Variants in MATK observed in about 807,000 individuals in gnomAD.
MATK encodes the protein megakaryocyte-associated tyrosine-protein kinase.
In MATK, 41 loss-of-function variants were observed where a neutral mutation model predicts 59.8. The ratio of observed to expected loss-of-function variants is 0.69; its 90% CI spans 0.53 to 0.89. The LOEUF is 0.89. Among genes scored for constraint, MATK ranks in the 40% least tolerant of loss-of-function variants. The pLI is 0.00. For synonymous variants in MATK, 308 were observed against 306.1 expected (o/e 1.01, Z -0.06); for missense variants, 593 against 719.6 (o/e 0.82, Z 2.01).
intron 1 of MATK, among the ~76,000 whole-genome samples, chr19:3,795,744 G>A (rs998504957): frequency 7.6e-6 from 1 of 130,970 alleles, no homozygotes; most frequent in Non-Finnish European, 1.6e-5. Flanking sequence ...TTTCTCATAA[G>A]TAGGTGCTTT....
chr19:3,781,512 G>C (rs879565686), intron 8 of MATK, 95 bp downstream of exon 8: 17 of 1,318,274 alleles, frequency 1.3e-5, no homozygotes, highest in Admixed American at 1.7e-5. Flanking sequence ...CTAGTAGGTG[G>C]TTAAGTATGG....
At chr19:3,779,919 C>A in intron 8 of MATK, 122 bp from the exon 9 acceptor site, 1 of 688,366 alleles carries the variant, frequency 1.5e-6, no homozygotes. Flanking sequence ...TGCGGGTCCC[C>A]AGACCTTGAA....
chr19:3,792,459 A>G (rs1432066743), intron 1 of MATK, among the ~76,000 whole-genome samples: 2 of 150,268 alleles, frequency 1.3e-5, no homozygotes, highest in African/African-American at 4.9e-5. Context: ...AGTGTTAGGG[A>G]CTGGGCTCCT....
intron 1 of MATK, among the ~76,000 whole-genome samples, chr19:3,801,087 T>C (rs2037639095): frequency 6.6e-6 from 1 of 152,158 alleles, no homozygotes; most frequent in Non-Finnish European, 1.5e-5. Flanking sequence ...TCCGCCCGCC[T>C]CGGCCTCTCA....
chr19:3,778,311 CG>C lies in MATK; in HGVS notation c.1395del (p.Ala466ProfsTer65). 1.8e-5 allele frequency: 28 copies of C among 1,575,394 alleles called. No homozygotes were observed. Among genetic ancestry groups the C allele is most frequent in the Non-Finnish European group, 2.4e-5 (28 of 1,165,016 alleles). ...VLMSSCWEAE[P>X]ARRPPFRKLA... The stretch of plus-strand genomic sequence containing the variant: ...AGTTTGCGGAAGGGTGGCCGGCGGG[CG>C]GGCTCTGCCTCCCAGCAGCTGCTCA... On this transcript the variant is annotated frameshift_variant, in exon 14 of 14. Transcript: ENST00000310132. LOFTEE classifies it low-confidence loss of function (END_TRUNC).
intron 1 of MATK, among the ~76,000 whole-genome samples, chr19:3,798,357 T>TG (rs2037614036): frequency 1.2e-5 from 1 of 86,078 alleles, no homozygotes; most frequent in South Asian, 4.2e-4. Context: ...GGCCTCACTG[T>TG]GGGGTGGTTG....
chr19:3,795,751 CTTTTTTTTTTTTT>C (rs530367941), intron 1 of MATK, among the ~76,000 whole-genome samples: 6 of 54,784 alleles, frequency 1.1e-4, no homozygotes, highest in African/African-American at 2.9e-4. Context: ...TAAGTAGGTG[CTTTTTTTTTTTTT>C]TTTTTTTTTT....
upstream of MATK, among the ~76,000 whole-genome samples, chr19:3,787,097 A>T (rs2037494940): frequency 6.6e-6 from 1 of 152,094 alleles, no homozygotes; most frequent in Non-Finnish European, 1.5e-5. Context: ...AAAACGCCCA[A>T]TCTGCTTTCA....
rs550367545 is a variant in MATK, at chr19:3,781,917, G to A, written c.677-245C>T. Among the ~76,000 whole-genome samples, 8 of 152,318 alleles carry A rather than the reference G, an allele frequency of 5.3e-5. No homozygotes were observed. In the East Asian group the frequency reaches 1.5e-3, roughly 29 times the overall value. ...TGACCTGAACAAAAAGGGGCTTACA[G>A]GAGGGATAGTGGTGTGAATAGTCAA... On this transcript the variant is annotated intron_variant, in intron 7 of 13. Coordinates refer to ENST00000310132, the MANE Select transcript of MATK (RefSeq NM_139355.3).
chr19:3,787,926 T>C (rs1455119575), upstream of MATK, among the ~76,000 whole-genome samples: 4 of 151,268 alleles, frequency 2.6e-5, no homozygotes, highest in Admixed American at 2.6e-4. Context: ...GAAACTATAT[T>C]ATTATTATTA....
intron 12 of MATK, 73 bp from the exon 13 acceptor site, chr19:3,778,668 GCCCTC>G: frequency 6.7e-7 from 1 of 1,497,922 alleles, no homozygotes; most frequent in Non-Finnish European, 9.1e-7. Flanking sequence ...CCTCCAGGAA[GCCCTC>G]CTGGGTTGAC....
Position 3,778,406 on chromosome 19 carries a change from G to A in MATK, c.1301C>T (p.Ser434Leu), listed in dbSNP as rs772743620. 2.2e-5 allele frequency: 36 copies of A among 1,612,840 alleles called. No individual in the cohort carries two copies. The highest frequency in any genetic ancestry group is 2.7e-5 in the Non-Finnish European group (32 of 1,179,848). ...PYPKMSLKEV[S>L]EAVEKGYRME... Reference sequence around the variant, plus strand: ...GCGGTACCCCTTCTCCACGGCCTCCGACACCTCTTTCAGTGACTGCGGACA... The same window carrying A: ...GCGGTACCCCTTCTCCACGGCCTCCAACACCTCTTTCAGTGACTGCGGACA... The change falls in exon 14 of 14, where the codon TCG becomes TTG. Residue 434 changes from serine (S) to leucine (L), a missense_variant. By Grantham distance (145) the Ser-to-Leu change is moderately radical. Coordinates refer to ENST00000310132, the MANE Select transcript of MATK (RefSeq NM_139355.3).
chr19:3,779,252 C>T, intron 11 of MATK, 65 bp from the exon 12 acceptor site: 1 of 1,544,184 alleles, frequency 6.5e-7, no homozygotes, highest in Non-Finnish European at 8.8e-7. Context: ...GCTCAGAAAG[C>T]TCGGGGTGCC....
intron 1 of MATK, among the ~76,000 whole-genome samples, chr19:3,795,727 T>G (rs1299704446): frequency 6.6e-6 from 1 of 151,154 alleles, no homozygotes; most frequent in Non-Finnish European, 1.5e-5. Flanking sequence ...CTTCTCACAG[T>G]CTTTATTTTC....
upstream of MATK, among the ~76,000 whole-genome samples, chr19:3,790,419 T>A (rs2037529660): frequency 6.6e-6 from 1 of 152,216 alleles, no homozygotes; most frequent in Non-Finnish European, 1.5e-5. Context: ...GTCCCCTTTC[T>A]GGCGTCCTGG....
Position 3,779,514 on chromosome 19 carries a change from C to G in MATK, c.927+19G>C. On this transcript the variant is annotated intron_variant, in intron 10 of 13. Coordinates refer to ENST00000310132, the MANE Select transcript of MATK (RefSeq NM_139355.3). Reference sequence around the variant, plus strand: ...TGCTCCGCTGCGTGGGCCCCCTCCCCGCCTGGGCCCCGCCCCACCTTGCTC... The same window carrying G: ...TGCTCCGCTGCGTGGGCCCCCTCCCGGCCTGGGCCCCGCCCCACCTTGCTC... 1 of 1,610,928 alleles carries G rather than the reference C, an allele frequency of 6.2e-7. No homozygotes were observed. Among genetic ancestry groups the G allele is most frequent in the Non-Finnish European group, 8.5e-7 (1 of 1,178,896 alleles).
intron 1 of MATK, among the ~76,000 whole-genome samples, chr19:3,795,719 T>G (rs902924306): frequency 2.7e-5 from 4 of 150,636 alleles, no homozygotes; most frequent in African/African-American, 9.8e-5. Context: ...TCCGCTGCCT[T>G]CTCACAGTCT....
chr19:3,800,979 C>T (rs1221002306), intron 1 of MATK, among the ~76,000 whole-genome samples: 3 of 152,080 alleles, frequency 2.0e-5, no homozygotes, highest in African/African-American at 7.2e-5. Context: ...CCTGCCTCAG[C>T]CTCCTGAGTA....
chr19:3,784,093 C>T lies in MATK; in HGVS notation c.362+31G>A, dbSNP rs554165591. On this transcript the variant is annotated intron_variant, in intron 5 of 13. Transcript: ENST00000310132. The stretch of plus-strand genomic sequence containing the variant: ...GTGGAGGGGGGGTCACTTGCTGTCC[C>T]CTACCCCAGGCCCCTGTCCTGCCCA... 9.4e-5 allele frequency: 150 copies of T among 1,592,762 alleles called. 1 individual carries two copies. In the South Asian group the frequency reaches 1.6e-3, roughly 17 times the overall value.
Sources: allele counts gnomAD v4.1 joint callset (sites outside exome capture counted in the v4.1 genomes callset), GRCh38; gene constraint gnomAD v4.1.1; transcripts MANE v1.5; gene names NCBI Gene and HGNC (gene_info 2026-07-23, HGNC 2026-07-21).